CMIP: variants seen among roughly 807,000 people sequenced by gnomAD.
CMIP encodes C-Maf-inducing protein.
In CMIP, 13 loss-of-function variants were observed where a neutral mutation model predicts 97.3. The ratio of observed to expected loss-of-function variants is 0.13; its 90% CI spans 0.09 to 0.21. CMIP has a LOEUF of 0.21. Ranked by LOEUF, CMIP falls within the 10% of genes least tolerant of loss-of-function variation. The pLI is 1.00. For missense variants in CMIP, 847 were observed against 1,024.9 expected, an observed-to-expected ratio of 0.83 and a Z score of 2.37; for synonymous variants, 538 against 436.3, an observed-to-expected ratio of 1.23 and a Z score of -2.91.
At chr16:81,649,127 G>T (rs2092398582) in intron 3 of CMIP, among the ~76,000 whole-genome samples, 1 of 152,214 alleles carries the variant, frequency 6.6e-6, no homozygotes, top group Admixed American at 6.5e-5. Flanking sequence ...TGTGAGGATT[G>T]AGTGGGATAA....
intron 1 of CMIP, among the ~76,000 whole-genome samples, chr16:81,516,182 C>G (rs2089909886): frequency 6.6e-6 from 1 of 152,172 alleles, no homozygotes; most frequent in South Asian, 2.1e-4. Flanking sequence ...TGGTTGGACT[C>G]TGACTGATCT....
intron 1 of CMIP, among the ~76,000 whole-genome samples, chr16:81,512,636 GT>G (rs202123265): frequency 3.3e-5 from 5 of 150,752 alleles, no homozygotes; most frequent in Non-Finnish European, 5.9e-5. Flanking sequence ...TCTTCCAAAG[GT>G]TTTTTTTTAA....
At chr16:81,486,067 A>G (rs990586570) in intron 1 of CMIP, among the ~76,000 whole-genome samples, 2 of 152,240 alleles carry the variant, frequency 1.3e-5, no homozygotes, top group African/African-American at 4.8e-5. Context: ...AGGGGCTCCC[A>G]AAGGCCACAC....
In CMIP at chr16:81,655,044, C is replaced by T. The variant is rs1305701428; in HGVS notation, c.639+2680C>T. Among the ~76,000 whole-genome samples, 1 of 152,228 alleles carries T rather than the reference C, an allele frequency of 6.6e-6. No individual in the cohort carries two copies. Among genetic ancestry groups the T allele is most frequent in the Admixed American group, 6.5e-5 (1 of 15,282 alleles). On this transcript the variant is annotated intron_variant, in intron 4 of 20. Coordinates refer to ENST00000537098, the MANE Select transcript of CMIP (RefSeq NM_198390.3). The surrounding 1 kb of genome is among the most constrained non-coding windows in gnomAD (Gnocchi z 4.9). ...CACAGAATTGAAGATGCGATCCTCT[C>T]ATATGCATAAAGTGCTTGGCACTGT...
chr16:81,558,821 G>T (rs958383305), intron 1 of CMIP, among the ~76,000 whole-genome samples: 1 of 152,224 alleles, frequency 6.6e-6, no homozygotes, highest in Non-Finnish European at 1.5e-5. Flanking sequence ...GAGAGTGGCT[G>T]CGCACAGTAG....
At chr16:81,535,491 G>A (rs1170912446) in intron 1 of CMIP, among the ~76,000 whole-genome samples, 2 of 141,138 alleles carry the variant, frequency 1.4e-5, no homozygotes, top group Admixed American at 1.5e-4. Flanking sequence ...TTTTTAAACA[G>A]CTGTTGTACG....
chr16:81,465,038 G>A (rs541290681), intron 1 of CMIP, among the ~76,000 whole-genome samples: 1 of 151,994 alleles, frequency 6.6e-6, no homozygotes, highest in Non-Finnish European at 1.5e-5. Context: ...ATTTATTATC[G>A]CCCCTGCTTT....
At chr16:81,450,410 C>A (rs1906135953) in intron 1 of CMIP, among the ~76,000 whole-genome samples, 1 of 152,108 alleles carries the variant, frequency 6.6e-6, no homozygotes, top group Admixed American at 6.5e-5. Context: ...GCTTTGCTTT[C>A]CCTTGCTGGG....
At position 81,487,931 on chromosome 16, in the gene CMIP, T is replaced by C. The variant is rs542717172; in HGVS notation, c.300+42390T>C. Among the ~76,000 whole-genome samples the C allele has an allele frequency of 4.6e-5, 7 of 152,318 alleles. No individual in the cohort carries two copies. The South Asian group carries it at 1.2e-3, about 27-fold the overall frequency. ...TAGACGATCTTCGAATGCCTCTTCT[T>C]GCATGGAATGACTGCTCTCGGCTTC... is the stretch of plus-strand genomic sequence containing the variant. On this transcript the variant is annotated intron_variant, in intron 1 of 20. Coordinates refer to ENST00000537098, the MANE Select transcript of CMIP (RefSeq NM_198390.3).
At chr16:81,452,543 G>A (rs907678475) in intron 1 of CMIP, among the ~76,000 whole-genome samples, 3 of 152,102 alleles carry the variant, frequency 2.0e-5, no homozygotes, top group African/African-American at 7.2e-5. Flanking sequence ...AGCAAGCAGG[G>A]TGGGGCGAGT....
At chr16:81,503,086 A>T (rs2927308) in intron 1 of CMIP, among the ~76,000 whole-genome samples, 152,339 of 152,372 alleles carry the variant, frequency 1, 76,153 homozygotes, top group Middle Eastern at 1. Flanking sequence ...GTTCAGCACA[A>T]CCTAAATATT....
At chr16:81,513,853 A>T (rs995822299) in intron 1 of CMIP, among the ~76,000 whole-genome samples, 23 of 152,144 alleles carry the variant, frequency 1.5e-4, no homozygotes, top group African/African-American at 5.5e-4. Flanking sequence ...CTGACTTGCA[A>T]CCTTTGCCCT....
intron 1 of CMIP, among the ~76,000 whole-genome samples, chr16:81,465,990 A>C (rs931784076): frequency 5.3e-5 from 8 of 152,210 alleles, no homozygotes; most frequent in Admixed American, 3.3e-4. Context: ...GTCGATGATG[A>C]AAAATACATC....
intron 7 of CMIP, among the ~76,000 whole-genome samples, chr16:81,667,462 A>G (rs1340710250): frequency 6.6e-6 from 1 of 152,186 alleles, no homozygotes; most frequent in Non-Finnish European, 1.5e-5. Flanking sequence ...CCAGTTTTCC[A>G]AGGGGAGCGT....
chr16:81,535,687 A>G, intron 1 of CMIP, among the ~76,000 whole-genome samples: 1 of 152,158 alleles, frequency 6.6e-6, no homozygotes, highest in East Asian at 1.9e-4. Context: ...CATTTGAAGC[A>G]TCAGTCAGTT....
At chr16:81,572,624 A>G (rs2091112938) in intron 1 of CMIP, among the ~76,000 whole-genome samples, 1 of 152,164 alleles carries the variant, frequency 6.6e-6, no homozygotes, top group Admixed American at 6.5e-5. Flanking sequence ...CGACTTCCCC[A>G]GGGTGCCCGG....
At chr16:81,690,244 G>C (rs568190245) in intron 10 of CMIP, among the ~76,000 whole-genome samples, 86 of 152,144 alleles carry the variant, frequency 5.7e-4, no homozygotes, top group Admixed American at 9.8e-4. Context: ...ATTACCTTGG[G>C]CAGTATGGCC....
rs1380306863 is a variant in CMIP, at chr16:81,614,747, GTA to G, written c.427-6127_427-6126del. The stretch of plus-strand genomic sequence containing the variant: ...TACACATGTGTGTCTCTGTGAGTGT[GTA>G]TGTGTCTATGTCTGTGGTGTGTGTG... On this transcript the variant is annotated intron_variant, in intron 2 of 20. Transcript: ENST00000537098. This position sits in a 1 kb window ranked among gnomAD's most constrained non-coding sequence, Gnocchi z 5.3. Among the ~76,000 whole-genome samples the G allele has an allele frequency of 6.6e-6, 1 of 151,872 alleles. No individual in the cohort carries two copies.
chr16:81,527,972 C>G (rs1245471219), intron 1 of CMIP, among the ~76,000 whole-genome samples: 1 of 152,184 alleles, frequency 6.6e-6, no homozygotes, highest in South Asian at 2.1e-4. Flanking sequence ...GCTGGTATTG[C>G]ATAGGTTCAC....
Sources: gnomAD v4.1 joint callset for allele counts (sites outside exome capture counted in the v4.1 genomes callset) on GRCh38, gnomAD v4.1.1 for gene constraint, Gnocchi (gnomAD v3.1) non-coding constraint, MANE v1.5 for transcripts, NCBI Gene and HGNC (gene_info 2026-07-23, HGNC 2026-07-21) for gene names.